Variants in COBL observed in about 807,000 individuals in gnomAD.
COBL encodes the protein protein cordon-bleu.
A neutral mutation model predicts 98.8 loss-of-function variants in COBL; 51 were observed. The observed-to-expected ratio is 0.52, with a 90% CI of 0.41 to 0.65. The LOEUF (loss-of-function observed/expected upper bound fraction) is 0.65. Among genes scored for constraint, COBL ranks in the 30% least tolerant of loss-of-function variants. The pLI is 0.00. For synonymous variants in COBL, 634 were observed against 651.7 expected (o/e 0.97, Z 0.41); for missense variants, 1,617 against 1,617.5 (o/e 1.00, Z 0.01).
chr7:51,185,994 G>C (rs1789461299), intron 4 of COBL, among the ~76,000 whole-genome samples: 3 of 152,214 alleles, frequency 2.0e-5, no homozygotes, highest in African/African-American at 4.8e-5. Flanking sequence ...CACTGAGCAG[G>C]CTCCACATCG....
Position 51,283,441 on chromosome 7 carries a change from T to A in COBL, c.41+33152A>T, listed in dbSNP as rs894082194. Reference sequence around the variant, plus strand: ...ATACACTCATTAAAGATTAAATAGATAATTCAAATGTACCCATTTAAAAAT... The same window carrying A: ...ATACACTCATTAAAGATTAAATAGAAAATTCAAATGTACCCATTTAAAAAT... On this transcript the variant is annotated intron_variant, in intron 1 of 12. Coordinates refer to ENST00000265136, the MANE Select transcript of COBL (RefSeq NM_015198.5). Among the ~76,000 whole-genome samples the A allele has an allele frequency of 7.2e-5, 11 of 152,346 alleles. No homozygotes were observed. In the East Asian group the frequency reaches 1.9e-3, roughly 27 times the overall value.
intron 1 of COBL, among the ~76,000 whole-genome samples, chr7:51,250,602 G>C (rs1796643006): frequency 6.6e-6 from 1 of 152,114 alleles, no homozygotes; most frequent in African/African-American, 2.4e-5. Context: ...TATTGTCCAG[G>C]TACTTTTAAA....
At position 51,028,451 on chromosome 7, in the gene COBL, T is replaced by G; in HGVS notation, c.2645A>C (p.His882Pro). ...ACCGTGTGGCCTCACCACATCAGCATGGACTTTTGGGGCTCCTATGCGCTT... is the reference window on the plus strand; with the variant it reads ...ACCGTGTGGCCTCACCACATCAGCAGGGACTTTTGGGGCTCCTATGCGCTT... The part of the protein sequence containing the change: ...IAKRIGAPKV[H>P]ADVVRPHGYA... The change falls in exon 10 of 13, where the codon CAT becomes CCT. Residue 882 changes from histidine (H) to proline (P), a missense_variant. Coordinates refer to ENST00000265136, the MANE Select transcript of COBL (RefSeq NM_015198.5). The G allele has an allele frequency of 1.2e-6, 2 of 1,614,286 alleles. No homozygotes were observed. Among genetic ancestry groups the G allele is most frequent in the African/African-American group, 1.3e-5 (1 of 75,076 alleles).
intron 7 of COBL, among the ~76,000 whole-genome samples, chr7:51,048,619 T>C (rs1329686517): frequency 6.6e-6 from 1 of 152,156 alleles, no homozygotes; most frequent in Admixed American, 6.5e-5. Context: ...TAACTGAATG[T>C]ACTTTATGCT....
At chr7:51,195,075 G>A (rs371554902) in intron 2 of COBL, among the ~76,000 whole-genome samples, 22 of 151,998 alleles carry the variant, frequency 1.4e-4, no homozygotes, top group African/African-American at 3.9e-4. Flanking sequence ...CGGAGTCTTC[G>A]TCATAAAATT....
chr7:51,019,650 A>G (rs1293923557), intron 12 of COBL, among the ~76,000 whole-genome samples: 1 of 152,200 alleles, frequency 6.6e-6, no homozygotes, highest in Admixed American at 6.5e-5. Flanking sequence ...TTCTACCTGC[A>G]GAAGAGGCAG....
intron 1 of COBL, among the ~76,000 whole-genome samples, chr7:51,221,986 A>G (rs1430968642): frequency 3.3e-5 from 5 of 152,248 alleles, no homozygotes; most frequent in Middle Eastern, 3.4e-3. Context: ...TCAGGAGCTC[A>G]AGTCCAGCCT....
intron 5 of COBL, among the ~76,000 whole-genome samples, chr7:51,170,506 GATATATAT>G (rs3047166): frequency 1.5e-5 from 2 of 132,058 alleles, no homozygotes; most frequent in African/African-American, 3.0e-5. Flanking sequence ...CTGACACTGT[GATATATAT>G]ATATATATAT....
Position 51,110,323 on chromosome 7 carries a change from C to T in COBL, c.958-25019G>A, listed in dbSNP as rs534265254. On this transcript the variant is annotated intron_variant, in intron 6 of 12. Transcript: ENST00000265136. ...CTACTCTCTACCTTCATGAGATCCA[C>T]TTTTTTAGCTCCCACGTAAGAGTGA... is the stretch of plus-strand genomic sequence containing the variant. Among the ~76,000 whole-genome samples, 142 of 152,284 alleles carry T rather than the reference C, an allele frequency of 9.3e-4. No individual in the cohort carries two copies. The South Asian group carries it at 0.011, about 12-fold the overall frequency.
At chr7:51,279,337 C>A (rs112687221) in intron 1 of COBL, among the ~76,000 whole-genome samples, 4 of 152,356 alleles carry the variant, frequency 2.6e-5, no homozygotes, top group African/African-American at 9.6e-5. Context: ...GTACTTCCAA[C>A]GTGCATTATA....
chr7:51,206,491 CAAA>C (rs1216887855), intron 2 of COBL, among the ~76,000 whole-genome samples: 5 of 101,236 alleles, frequency 4.9e-5, no homozygotes, highest in Non-Finnish European at 8.1e-5. Flanking sequence ...GACTCTGTCT[CAAA>C]AAAAAAAAAA....
At chr7:51,086,519 G>A (rs1439706378) in intron 6 of COBL, among the ~76,000 whole-genome samples, 2 of 152,048 alleles carry the variant, frequency 1.3e-5, no homozygotes, top group African/African-American at 4.8e-5. Flanking sequence ...GCAACACCCT[G>A]CCTCTGCCAC....
chr7:51,176,992 T>C (rs1788434171), intron 5 of COBL, among the ~76,000 whole-genome samples: 5 of 152,208 alleles, frequency 3.3e-5, no homozygotes, highest in Admixed American at 3.3e-4. Context: ...TAAAATAAAA[T>C]AGAAATATTT....
chr7:51,288,864 A>G, intron 1 of COBL, among the ~76,000 whole-genome samples: 1 of 120,308 alleles, frequency 8.3e-6, no homozygotes, highest in South Asian at 2.5e-4. Flanking sequence ...TCTTCTACCT[A>G]CTCAACTAAT....
Position 51,193,555 on chromosome 7 carries a change from G to A in COBL, c.280C>T (p.Leu94Phe), listed in dbSNP as rs1790319805. The A allele has an allele frequency of 6.2e-7, 1 of 1,614,124 alleles. No homozygotes were observed. Among genetic ancestry groups the A allele is most frequent in the Middle Eastern group, 1.6e-4 (1 of 6,062 alleles). Residue 94 changes from leucine (L) to phenylalanine (F), a missense_variant, in exon 3 of 13, where the codon CTT becomes TTT. Physicochemically the swap from Leu to Phe is conservative, Grantham distance 22. Transcript: ENST00000265136. The stretch of plus-strand genomic sequence containing the variant: ...TGGGATGGATTCAGGTGGTTCTGAA[G>A]GCAAAGTTCAACCAGTAGGTCCATC... ...AMMDLLVELC[L>F]QNHLNPSHHA...
At chr7:51,121,394 A>T (rs570491489) in intron 6 of COBL, among the ~76,000 whole-genome samples, 2 of 152,288 alleles carry the variant, frequency 1.3e-5, no homozygotes, top group South Asian at 4.1e-4. Context: ...GAGTTGAAGG[A>T]GTTCTCCATA....
chr7:51,121,267 C>T (rs1170480784), intron 6 of COBL, among the ~76,000 whole-genome samples: 14 of 152,120 alleles, frequency 9.2e-5, no homozygotes, highest in Admixed American at 5.9e-4. Flanking sequence ...ATTTCTCTTA[C>T]GATTAGTGAT....
At chr7:51,161,360 T>G (rs948673879) in intron 5 of COBL, among the ~76,000 whole-genome samples, 3 of 152,276 alleles carry the variant, frequency 2.0e-5, no homozygotes, top group Non-Finnish European at 1.5e-5. Flanking sequence ...GAGTTTCCTT[T>G]AAAATGTAGC....
intron 7 of COBL, among the ~76,000 whole-genome samples, chr7:51,062,267 GTC>G (rs146409423): frequency 6.0e-4 from 89 of 148,470 alleles, no homozygotes; most frequent in Non-Finnish European, 7.6e-4. Flanking sequence ...AACAGTTCAT[GTC>G]TCTCTCTCTC....
Sources: gnomAD v4.1 joint callset for allele counts (sites outside exome capture counted in the v4.1 genomes callset) on GRCh38, gnomAD v4.1.1 for gene constraint, MANE v1.5 for transcripts, NCBI Gene and HGNC (gene_info 2026-07-23, HGNC 2026-07-21) for gene names.